TNFSF10: variants seen among roughly 807,000 people sequenced by gnomAD.
The protein encoded by TNFSF10 is tumor necrosis factor ligand superfamily member 10.
Under a neutral mutation model 29.5 loss-of-function variants are expected in TNFSF10, and 13 were observed. The ratio of observed to expected loss-of-function variants is 0.44; its 90% CI spans 0.29 to 0.70. The LOEUF (loss-of-function observed/expected upper bound fraction) is 0.70, where lower values mean the gene tolerates loss of function less well. Among genes scored for constraint, TNFSF10 ranks in the 30% least tolerant of loss-of-function variants. The pLI is 0.13. For synonymous variants in TNFSF10, 111 were observed against 112.8 expected (o/e 0.98, Z 0.10); for missense variants, 345 against 330.9 (o/e 1.04, Z -0.33).
intron 3 of TNFSF10, among the ~76,000 whole-genome samples, chr3:172,510,420 A>T (rs1390400712): frequency 6.6e-6 from 1 of 152,138 alleles, no homozygotes. Context: ...GTACCACTGC[A>T]CTCCAGCCTG....
At chr3:172,507,852 C>A (rs1248687767) in intron 4 of TNFSF10, among the ~76,000 whole-genome samples, 3 of 152,116 alleles carry the variant, frequency 2.0e-5, no homozygotes, top group African/African-American at 7.2e-5. Context: ...CGGGATAAAG[C>A]CTCTGACAAA....
At chr3:172,522,967 AT>A (rs1245763197) in intron 1 of TNFSF10, among the ~76,000 whole-genome samples, 9 of 152,372 alleles carry the variant, frequency 5.9e-5, no homozygotes, top group African/African-American at 2.2e-4. Flanking sequence ...GGCTGATATT[AT>A]AAAATACACA....
chr3:172,519,268 T>C (rs1015166961), intron 1 of TNFSF10, among the ~76,000 whole-genome samples: 13 of 152,252 alleles, frequency 8.5e-5, no homozygotes, highest in Admixed American at 4.6e-4. Flanking sequence ...GAAAAATGTA[T>C]GCAAGTGGGA....
chr3:172,515,085 A>G (rs1713376996), intron 1 of TNFSF10, 87 bp from the exon 2 acceptor site: 1 of 1,577,724 alleles, frequency 6.3e-7, no homozygotes, highest in Non-Finnish European at 8.6e-7. Context: ...AGAAACTGAT[A>G]GCAGACTTAA....
In TNFSF10 at chr3:172,509,329, A is replaced by G; in HGVS notation, c.314-8T>C. The G allele has an allele frequency of 1.2e-6, 2 of 1,611,376 alleles. No homozygotes were observed. The highest frequency in any genetic ancestry group is 1.7e-6 in the Non-Finnish European group (2 of 1,178,100). ...AAATATTTTGTTGCTTTTCTAAAAG[A>G]GAAATGATAAAGGGTCATCAACACT... On this transcript the variant is annotated splice_region_variant and splice_polypyrimidine_tract_variant and intron_variant, in intron 3 of 4. Coordinates refer to ENST00000241261, the MANE Select transcript of TNFSF10 (RefSeq NM_003810.4).
intron 1 of TNFSF10, among the ~76,000 whole-genome samples, chr3:172,520,439 A>G (rs1713635939): frequency 6.6e-6 from 1 of 152,226 alleles, no homozygotes. Flanking sequence ...ACTTATTGTC[A>G]ACACAGGAAT....
intron 2 of TNFSF10, among the ~76,000 whole-genome samples, chr3:172,512,786 A>G (rs1001786360): frequency 2.0e-5 from 3 of 152,212 alleles, no homozygotes; most frequent in African/African-American, 7.2e-5. Context: ...CTTTCCTACA[A>G]TGTGGGAGGC....
In TNFSF10 at chr3:172,506,470, T is replaced by C; in HGVS notation, c.*22A>G. On this transcript the variant is annotated 3_prime_UTR_variant, in exon 5 of 5. Coordinates refer to ENST00000241261, the MANE Select transcript of TNFSF10 (RefSeq NM_003810.4). ...AAACTGAATAGTCACTTTGAGGTTA[T>C]TGCTTTTTCTTTCCAGGTCAGTTAG... 1 of 1,575,246 alleles carries C rather than the reference T, an allele frequency of 6.3e-7. No homozygotes were observed. Among genetic ancestry groups the C allele is most frequent in the East Asian group, 2.2e-5 (1 of 44,708 alleles).
chr3:172,518,072 T>C (rs1026961922), intron 1 of TNFSF10: 1 of 1,004,448 alleles, frequency 1.0e-6, no homozygotes, highest in Non-Finnish European at 1.2e-6. Flanking sequence ...ATACGATACG[T>C]CTCCCCCGCC....
At position 172,511,650 on chromosome 3, in the gene TNFSF10, T is replaced by C. The variant is rs767450259; in HGVS notation, c.280A>G (p.Arg94Gly). The change falls in exon 3 of 5, where the codon AGA (arginine) becomes GGA (glycine). Residue 94 changes from arginine to glycine, a missense_variant. By Grantham distance (125) the Arg-to-Gly change is moderately radical. Coordinates refer to ENST00000241261, the MANE Select transcript of TNFSF10 (RefSeq NM_003810.4). ...LRQLVRKMIL[R>G]TSEETISTVQ... ...GTAGAAATGGTTTCCTCAGAGGTTC[T>C]CAAAATCATCTGCAAATATTATTGA... 1.9e-6 allele frequency: 3 copies of C among 1,611,780 alleles called. No individual in the cohort carries two copies. The highest frequency in any genetic ancestry group is 4.5e-5 in the East Asian group (2 of 44,796).
intron 4 of TNFSF10, among the ~76,000 whole-genome samples, chr3:172,507,778 C>A (rs1341712006): frequency 6.6e-6 from 1 of 152,090 alleles, no homozygotes; most frequent in South Asian, 2.1e-4. Flanking sequence ...ACCAACCAAC[C>A]CCAAACCCCC....
chr3:172,511,032 T>C (rs1347039105), intron 3 of TNFSF10, among the ~76,000 whole-genome samples: 2 of 152,000 alleles, frequency 1.3e-5, no homozygotes, highest in African/African-American at 2.4e-5. Context: ...GAGTGCCAGA[T>C]GGAAAGCTAA....
chr3:172,518,065 C>T (rs183629562), intron 1 of TNFSF10: 377 of 1,003,316 alleles, frequency 3.8e-4, no homozygotes, highest in Non-Finnish European at 4.2e-4. Flanking sequence ...ATAATTAATA[C>T]GATACGTCTC....
chr3:172,517,703 CT>C, intron 1 of TNFSF10: 10 of 984,968 alleles, frequency 1.0e-5, no homozygotes, highest in Non-Finnish European at 1.2e-5. Context: ...TATAAAAATG[CT>C]GTGTTCTTTA....
intron 2 of TNFSF10, among the ~76,000 whole-genome samples, chr3:172,512,374 C>T (rs1357937083): frequency 1.3e-5 from 2 of 152,128 alleles, no homozygotes; most frequent in African/African-American, 2.4e-5. Context: ...ATGGGAAGAC[C>T]CTGACTTGGC....
At chr3:172,523,020 A>C (rs1456315934) in intron 1 of TNFSF10, among the ~76,000 whole-genome samples, 2 of 152,212 alleles carry the variant, frequency 1.3e-5, no homozygotes, top group Non-Finnish European at 2.9e-5. Flanking sequence ...TTTGTTGCCC[A>C]CATCTGCTAG....
intron 1 of TNFSF10, 60 bp downstream of exon 1, chr3:172,523,193 A>G: frequency 6.6e-7 from 1 of 1,509,230 alleles, no homozygotes; most frequent in Non-Finnish European, 9.0e-7. Flanking sequence ...CATGCAAAGA[A>G]GCAGGTAACC....
intron 4 of TNFSF10, among the ~76,000 whole-genome samples, chr3:172,507,802 A>G (rs1226774808): frequency 6.6e-6 from 1 of 152,222 alleles, no homozygotes; most frequent in Non-Finnish European, 1.5e-5. Context: ...CAAACTTTTT[A>G]TCTATTAACT....
chr3:172,522,251 A>G (rs1577017036), intron 1 of TNFSF10: 1 of 581,552 alleles, frequency 1.7e-6, no homozygotes, highest in Non-Finnish European at 3.2e-6. Flanking sequence ...CAGAATTCAC[A>G]AAGAGCAATA....
Sources: allele counts gnomAD v4.1 joint callset (sites outside exome capture counted in the v4.1 genomes callset), GRCh38; gene constraint gnomAD v4.1.1; transcripts MANE v1.5; gene names NCBI Gene and HGNC (gene_info 2026-07-23, HGNC 2026-07-21).